ZSCAN30: variants seen among roughly 807,000 people sequenced by gnomAD.
ZSCAN30 encodes zinc finger and SCAN domain containing 30, also known as zinc finger and SCAN domain-containing protein 30.
ZSCAN30 carries 37 observed loss-of-function variants against 44.3 expected under a neutral mutation model. The observed-to-expected ratio is 0.84, with a 90% confidence interval of 0.64 to 1.10. The LOEUF is 1.10. ZSCAN30 is among the 50% of genes least tolerant of loss of function. The probability of loss-of-function intolerance (pLI) is 0.00; values close to 1 mark genes in which losing one functional copy is unlikely to be tolerated. For synonymous variants in ZSCAN30, 181 were observed against 204.6 expected, an observed-to-expected ratio of 0.88 and a Z score of 0.98; for missense variants, 549 against 582.6, an observed-to-expected ratio of 0.94 and a Z score of 0.59.
chr18:35,289,570 GA>G (rs1160129488), intron 1 of ZSCAN30: 1 of 151,978 alleles, frequency 6.6e-6, no homozygotes, highest in Non-Finnish European at 1.5e-5. Flanking sequence ...CATTTCCCAA[GA>G]TATTTCCATG....
At chr18:35,281,832 C>T (rs2044461307) in intron 1 of ZSCAN30, 1 of 151,560 alleles carries the variant, frequency 6.6e-6, no homozygotes, top group Non-Finnish European at 1.5e-5. Context: ...AATCCAGATG[C>T]ATCCCACAGG....
chr18:35,271,152 G>A (rs541230632), intron 1 of ZSCAN30, among the ~76,000 whole-genome samples: 4 of 152,164 alleles, frequency 2.6e-5, no homozygotes, highest in Admixed American at 2.0e-4. Context: ...CCTCCGCACT[G>A]TGGAAAAGGA....
intron 3 of ZSCAN30, chr18:35,255,676 C>T (rs1406713261): frequency 1.3e-5 from 2 of 154,304 alleles, no homozygotes; most frequent in African/African-American, 2.4e-5. Context: ...CACAACACTT[C>T]AAACACAACA....
intron 1 of ZSCAN30, among the ~76,000 whole-genome samples, chr18:35,271,748 G>A (rs143487768): frequency 0.026 from 4,009 of 152,328 alleles, 116 homozygotes; most frequent in Non-Finnish European, 0.035. Context: ...AGCCCATTGC[G>A]GGGAGGGGGG....
chr18:35,283,929 G>C (rs974952609), intron 1 of ZSCAN30: 1 of 152,396 alleles, frequency 6.6e-6, no homozygotes, highest in Non-Finnish European at 1.5e-5. Flanking sequence ...TAGACAAGTG[G>C]AGGCTGAGCA....
In ZSCAN30 at chr18:35,275,462, C is replaced by G. The variant is rs1053594280; in HGVS notation, c.-103-11007G>C. Among the ~76,000 whole-genome samples, 114 of 152,292 alleles carry G rather than the reference C, an allele frequency of 7.5e-4. 1 individual carries two copies. Among genetic ancestry groups the G allele is most frequent in the Admixed American group, 7.4e-3 (113 of 15,296 alleles). The stretch of plus-strand genomic sequence containing the variant: ...TCATTCTTAAATGATGATATAACCT[C>G]CTTCTTCCCAATGAATTGGAATGTC... On this transcript the variant is annotated intron_variant, in intron 1 of 3. Transcript: ENST00000333206.
In ZSCAN30 at chr18:35,263,556, C is replaced by G. The variant is rs2044079336; in HGVS notation, c.510G>C (p.Gln170His). ...GGGACTCCTGAGTCTCAGTCTTGCA[C>G]TGGTTCTCTAAGGGCTGCACCGGGC... is the stretch of plus-strand genomic sequence containing the variant. The part of the protein sequence containing the change: ...LNSPVQPLEN[Q>H]CKTETQESQA... The change falls in exon 3 of 4, where the codon CAG (glutamine) becomes CAC (histidine). Residue 170 changes from glutamine to histidine, a missense_variant. Physicochemically the swap from Gln to His is conservative, Grantham distance 24 (BLOSUM62 0). Coordinates refer to ENST00000333206, the MANE Select transcript of ZSCAN30 (RefSeq NM_001112734.4). The G allele has an allele frequency of 6.2e-7, 1 of 1,614,076 alleles. No individual in the cohort carries two copies. Among genetic ancestry groups the G allele is most frequent in the African/African-American group, 1.3e-5 (1 of 74,916 alleles).
Position 35,253,501 on chromosome 18 carries a change from A to C in ZSCAN30, c.1434T>G (p.Phe478Leu). The change falls in exon 4 of 4, where the codon TTT becomes TTG. Residue 478 changes from phenylalanine to leucine, a missense_variant. Transcript: ENST00000333206. ...PYECSECRKT[F>L]RHRSGLMQHQ... ...GCTGCATAAGGCCTGACCTATGCCT[A>C]AATGTTTTTCTACATTCACTACATT... is the stretch of plus-strand genomic sequence containing the variant. The C allele has an allele frequency of 6.2e-7, 1 of 1,609,976 alleles. No homozygotes were observed. The highest frequency in any genetic ancestry group is 1.3e-5 in the African/African-American group (1 of 74,934).
At chr18:35,272,950 T>C (rs902662097) in intron 1 of ZSCAN30, among the ~76,000 whole-genome samples, 1 of 152,194 alleles carries the variant, frequency 6.6e-6, no homozygotes, top group Non-Finnish European at 1.5e-5. Context: ...CTTATTCACT[T>C]CCACGAGAAC....
chr18:35,255,315 T>G (rs1050581680), intron 3 of ZSCAN30, among the ~76,000 whole-genome samples: 4 of 151,630 alleles, frequency 2.6e-5, no homozygotes, highest in South Asian at 2.1e-4. Flanking sequence ...ACTAGTTATA[T>G]CTAGAGATTT....
At chr18:35,273,035 C>T (rs2044310422) in intron 1 of ZSCAN30, among the ~76,000 whole-genome samples, 1 of 152,204 alleles carries the variant, frequency 6.6e-6, no homozygotes, top group Non-Finnish European at 1.5e-5. Flanking sequence ...TATGGGAGTA[C>T]AATTCAAGAT....
chr18:35,254,568 A>G, intron 3 of ZSCAN30, 187 bp from the exon 4 acceptor site: 1 of 962,284 alleles, frequency 1.0e-6, no homozygotes, highest in Non-Finnish European at 1.5e-6. Context: ...CTTGGAGAGT[A>G]AGGTAGACAA....
chr18:35,278,545 T>G (rs1417332965), intron 1 of ZSCAN30, among the ~76,000 whole-genome samples: 1 of 152,194 alleles, frequency 6.6e-6, no homozygotes, highest in Non-Finnish European at 1.5e-5. Flanking sequence ...AAATAGTTAA[T>G]TGGATCCATA....
In ZSCAN30 at chr18:35,264,058, T is replaced by A; in HGVS notation, c.295A>T (p.Ile99Phe). 15 of 1,614,112 alleles carry A rather than the reference T, an allele frequency of 9.3e-6. No individual in the cohort carries two copies. Among genetic ancestry groups the A allele is most frequent in the Non-Finnish European group, 1.3e-5 (15 of 1,179,932 alleles). ...CAAGCTTGCAGCTCCTCAGGAAGGATGGCCAGGAACTGCTCCAACATCAGC... is the reference window on the plus strand; with the variant it reads ...CAAGCTTGCAGCTCCTCAGGAAGGAAGGCCAGGAACTGCTCCAACATCAGC... Reference protein sequence around the residue: ...ELLMLEQFLAILPEELQAWLR... With the variant: ...ELLMLEQFLAFLPEELQAWLR... The change falls in exon 2 of 4, where the codon ATC becomes TTC. Residue 99 changes from isoleucine to phenylalanine, a missense_variant. Physicochemically the swap from Ile to Phe is conservative, Grantham distance 21. Coordinates refer to ENST00000333206, the MANE Select transcript of ZSCAN30 (RefSeq NM_001112734.4).
chr18:35,285,402 C>T (rs147409023), intron 1 of ZSCAN30, among the ~76,000 whole-genome samples: 61 of 152,164 alleles, frequency 4.0e-4, no homozygotes, highest in African/African-American at 1.3e-3. Flanking sequence ...AACCAACTAA[C>T]AATAATCAAA....
At chr18:35,258,254 G>A (rs1007470420) in intron 3 of ZSCAN30, 12 of 434,480 alleles carry the variant, frequency 2.8e-5, no homozygotes, top group Middle Eastern at 6.0e-4. Context: ...ATGGGACCAC[G>A]CATAAATGGA....
chr18:35,265,884 G>A (rs935564019), intron 1 of ZSCAN30, among the ~76,000 whole-genome samples: 7 of 152,120 alleles, frequency 4.6e-5, no homozygotes, highest in South Asian at 2.1e-4. Context: ...CAAGACCAAG[G>A]AGAAAGGGAT....
intron 3 of ZSCAN30, chr18:35,261,565 T>C (rs2044030391): frequency 6.6e-6 from 1 of 152,204 alleles, no homozygotes; most frequent in Non-Finnish European, 1.5e-5. Flanking sequence ...AAGAGGCCCT[T>C]CACCTCCCTT....
At chr18:35,263,327 A>C (rs2044068363) in intron 3 of ZSCAN30, 186 bp downstream of exon 3, 3 of 643,206 alleles carry the variant, frequency 4.7e-6, no homozygotes, top group Non-Finnish European at 7.5e-6. Context: ...TTCTTAACCC[A>C]AAGTTACAAA....
Sources: gnomAD v4.1 joint callset for allele counts (sites outside exome capture counted in the v4.1 genomes callset) on GRCh38, gnomAD v4.1.1 for gene constraint, MANE v1.5 for transcripts, NCBI Gene and HGNC (gene_info 2026-07-23, HGNC 2026-07-21) for gene names.